The following KSR2 variants were observed in gnomAD, a reference collection of about 807,000 sequenced individuals.
KSR2 encodes the protein kinase suppressor of ras 2.
KSR2 carries 25 observed loss-of-function variants against 107.8 expected under a neutral mutation model. The ratio of observed to expected loss-of-function variants is 0.23; its 90% CI spans 0.17 to 0.32. The LOEUF is 0.32. Ranked by LOEUF, KSR2 falls within the 10% of genes least tolerant of loss-of-function variation. KSR2 has a pLI of 1.00. For missense variants in KSR2, 887 were observed against 1,268.9 expected (o/e 0.70, Z 4.57); for synonymous variants, 480 against 507.0 (o/e 0.95, Z 0.71).
Position 117,457,124 on chromosome 12 carries a change from C to T in KSR2, c.*10075G>A, listed in dbSNP as rs4767546. The T allele has an allele frequency of 0.2, 30,248 of 152,212 alleles. 3,709 individuals carry two copies. The highest frequency in any genetic ancestry group is 0.28 in the Non-Finnish European group (19,201 of 67,988). The allele number at this position is 152,212 out of a possible 1,614,324, so 9.4% of individuals were successfully genotyped here. Reference sequence around the variant, plus strand: ...ATGACTGGAGATTTCAGCCCCTGTCCGTGCAGACGGTGAAAGGCAAGTCCA... The same window carrying T: ...ATGACTGGAGATTTCAGCCCCTGTCTGTGCAGACGGTGAAAGGCAAGTCCA... On this transcript the variant is annotated 3_prime_UTR_variant, in exon 20 of 20. Coordinates refer to ENST00000339824, the MANE Select transcript of KSR2 (RefSeq NM_173598.6).
chr12:117,562,819 G>C (rs956571192), intron 7 of KSR2, among the ~76,000 whole-genome samples: 1 of 152,088 alleles, frequency 6.6e-6, no homozygotes, highest in Non-Finnish European at 1.5e-5. Flanking sequence ...GGCTTCGGTG[G>C]GCAGCATTAG....
intron 9 of KSR2, among the ~76,000 whole-genome samples, chr12:117,548,762 C>A (rs1329378926): frequency 6.6e-6 from 1 of 152,146 alleles, no homozygotes; most frequent in Non-Finnish European, 1.5e-5. Context: ...ATCTTGGCAG[C>A]AAACCTGCAA....
chr12:117,475,990 C>T (rs565789390), intron 17 of KSR2, among the ~76,000 whole-genome samples: 13 of 152,290 alleles, frequency 8.5e-5, no homozygotes, highest in East Asian at 7.7e-4. Context: ...CAGATGAGAC[C>T]GCAGCCCTAG....
chr12:117,850,024 G>T (rs1232981127), intron 3 of KSR2, among the ~76,000 whole-genome samples: 1 of 152,180 alleles, frequency 6.6e-6, no homozygotes. Context: ...TCCTCAGTCT[G>T]GGATAACATT....
At chr12:117,834,622 T>C (rs544313130) in intron 3 of KSR2, among the ~76,000 whole-genome samples, 1 of 152,276 alleles carries the variant, frequency 6.6e-6, no homozygotes, top group South Asian at 2.1e-4. Context: ...CCTAGAAAAC[T>C]TCCCCTGACC....
chr12:117,598,338 T>C (rs1488824266), intron 5 of KSR2, among the ~76,000 whole-genome samples: 1 of 152,266 alleles, frequency 6.6e-6, no homozygotes, highest in Admixed American at 6.5e-5. Context: ...CTGAGTAGTA[T>C]TCCATGGTGT....
chr12:117,765,207 C>T (rs1889183724), intron 3 of KSR2, among the ~76,000 whole-genome samples: 1 of 152,194 alleles, frequency 6.6e-6, no homozygotes, highest in South Asian at 2.1e-4. Flanking sequence ...AATACAAGCT[C>T]GTTGTCAAGT....
At chr12:117,819,436 T>G (rs1408162547) in intron 3 of KSR2, among the ~76,000 whole-genome samples, 1 of 152,184 alleles carries the variant, frequency 6.6e-6, no homozygotes, top group East Asian at 1.9e-4. Flanking sequence ...TGAGGTTATT[T>G]CAACACACAG....
intron 3 of KSR2, among the ~76,000 whole-genome samples, chr12:117,793,432 C>G (rs558560183): frequency 1.1e-4 from 17 of 150,572 alleles, no homozygotes; most frequent in Non-Finnish European, 2.4e-4. Flanking sequence ...TGCACACACA[C>G]CAACATGCAC....
chr12:117,553,906 G>T (rs1319698683), intron 9 of KSR2, among the ~76,000 whole-genome samples: 1 of 150,394 alleles, frequency 6.6e-6, no homozygotes, highest in East Asian at 2.0e-4. Flanking sequence ...CGTGTGATGC[G>T]TGCTTCCCTT....
chr12:117,870,830 G>A (rs1324084513), intron 1 of KSR2, among the ~76,000 whole-genome samples: 6 of 152,164 alleles, frequency 3.9e-5, no homozygotes, highest in African/African-American at 1.4e-4. Flanking sequence ...GACAAGTGGG[G>A]ACAGTGGCCT....
chr12:117,625,654 C>T (rs1330443469), intron 5 of KSR2, among the ~76,000 whole-genome samples: 5 of 152,094 alleles, frequency 3.3e-5, no homozygotes, highest in South Asian at 4.1e-4. Context: ...GGATATTGGT[C>T]TAAAATTTTC....
At chr12:117,790,346 A>T (rs1223370619) in intron 3 of KSR2, among the ~76,000 whole-genome samples, 1 of 152,202 alleles carries the variant, frequency 6.6e-6, no homozygotes, top group African/African-American at 2.4e-5. Context: ...AACTAGAGGC[A>T]AGGGGCAGGT....
At chr12:117,670,333 A>C (rs1460739638) in intron 4 of KSR2, among the ~76,000 whole-genome samples, 2 of 152,208 alleles carry the variant, frequency 1.3e-5, no homozygotes, top group Non-Finnish European at 2.9e-5. Flanking sequence ...ACCTCACTTA[A>C]GCGCCATGGT....
intron 1 of KSR2, among the ~76,000 whole-genome samples, chr12:117,931,106 G>A (rs933673903): frequency 2.6e-5 from 4 of 151,940 alleles, no homozygotes; most frequent in South Asian, 2.1e-4. Flanking sequence ...AGACTTCAGC[G>A]GCTGTGTCTC....
At chr12:117,599,836 G>A (rs1215888628) in intron 5 of KSR2, among the ~76,000 whole-genome samples, 2 of 152,280 alleles carry the variant, frequency 1.3e-5, no homozygotes, top group South Asian at 2.1e-4. Context: ...TATTTATTAA[G>A]CAGGTGGGTT....
At chr12:117,603,329 A>G (rs1350634892) in intron 5 of KSR2, among the ~76,000 whole-genome samples, 1 of 152,238 alleles carries the variant, frequency 6.6e-6, no homozygotes, top group Non-Finnish European at 1.5e-5. Flanking sequence ...TGTTTTATAT[A>G]GCTAATTGCT....
chr12:117,635,185 T>C (rs1883008461), intron 5 of KSR2, among the ~76,000 whole-genome samples: 2 of 152,196 alleles, frequency 1.3e-5, no homozygotes, highest in Non-Finnish European at 2.9e-5. Flanking sequence ...GGACTTGCTC[T>C]TTCCTGTCTT....
At chr12:117,743,532 C>A (rs1052077937) in intron 4 of KSR2, among the ~76,000 whole-genome samples, 2 of 152,210 alleles carry the variant, frequency 1.3e-5, no homozygotes, top group Admixed American at 6.5e-5. Context: ...TGAATATGTT[C>A]CACGCGCACA....
Sources: allele counts gnomAD v4.1 joint callset (sites outside exome capture counted in the v4.1 genomes callset), GRCh38; gene constraint gnomAD v4.1.1; transcripts MANE v1.5; gene names NCBI Gene and HGNC (gene_info 2026-07-23, HGNC 2026-07-21).